The following UNC5C variants were observed in gnomAD, a reference collection of about 807,000 sequenced individuals.
The protein encoded by UNC5C is netrin receptor UNC5C.
In UNC5C, 47 loss-of-function variants were observed where a neutral mutation model predicts 99.8. That is an observed-to-expected ratio of 0.47 (90% CI 0.37 to 0.60). The LOEUF (loss-of-function observed/expected upper bound fraction) is 0.60, where lower values mean the gene tolerates loss of function less well. Ranked by LOEUF, UNC5C falls within the 20% of genes least tolerant of loss-of-function variation. The pLI is 0.00. For missense variants in UNC5C, 1,062 were observed against 1,165.9 expected (o/e 0.91, Z 1.30); for synonymous variants, 487 against 452.2 (o/e 1.08, Z -0.98).
intron 7 of UNC5C, among the ~76,000 whole-genome samples, chr4:95,234,617 G>A (rs968678292): frequency 6.6e-6 from 1 of 152,010 alleles, no homozygotes; most frequent in African/African-American, 2.4e-5. Context: ...AGTTATTTCT[G>A]GCACCTTAAG....
chr4:95,338,159 AC>A (rs1743419656), intron 1 of UNC5C, among the ~76,000 whole-genome samples: 1 of 152,040 alleles, frequency 6.6e-6, no homozygotes, highest in African/African-American at 2.4e-5. Context: ...TTCTCCACAT[AC>A]AAAAATGAGC....
At chr4:95,328,842 T>G (rs1743004166) in intron 2 of UNC5C, among the ~76,000 whole-genome samples, 1 of 152,198 alleles carries the variant, frequency 6.6e-6, no homozygotes, top group Non-Finnish European at 1.5e-5. Flanking sequence ...AAGAAAATTT[T>G]AGGCAACTTC....
At chr4:95,514,025 C>T (rs28624249) in intron 1 of UNC5C, among the ~76,000 whole-genome samples, 375 of 152,254 alleles carry the variant, frequency 2.5e-3, no homozygotes, top group Admixed American at 3.5e-3. Flanking sequence ...ATATCAAATT[C>T]GCTAAATTAG....
At chr4:95,529,129 A>G (rs538125990) in intron 1 of UNC5C, among the ~76,000 whole-genome samples, 43 of 151,608 alleles carry the variant, frequency 2.8e-4, no homozygotes, top group African/African-American at 9.9e-4. Context: ...GGCAGGTACC[A>G]TATGTTATGC....
intron 1 of UNC5C, among the ~76,000 whole-genome samples, chr4:95,527,413 G>A (rs1428190348): frequency 6.6e-6 from 1 of 152,048 alleles, no homozygotes; most frequent in Non-Finnish European, 1.5e-5. Context: ...TCTGATCAGT[G>A]TGACCAAACT....
At chr4:95,179,809 C>A (rs1220208893) in intron 14 of UNC5C, among the ~76,000 whole-genome samples, 5 of 151,188 alleles carry the variant, frequency 3.3e-5, no homozygotes, top group Non-Finnish European at 7.4e-5. Context: ...TAAAACTGCA[C>A]CTTTTTTCAG....
intron 1 of UNC5C, among the ~76,000 whole-genome samples, chr4:95,546,128 T>A (rs2149497938): frequency 6.6e-6 from 1 of 152,348 alleles, no homozygotes; most frequent in East Asian, 1.9e-4. Flanking sequence ...ATCCACATTG[T>A]AAAGTGCTTA....
chr4:95,546,211 T>A (rs1273944657), intron 1 of UNC5C, among the ~76,000 whole-genome samples: 1 of 152,186 alleles, frequency 6.6e-6, no homozygotes, highest in Non-Finnish European at 1.5e-5. Flanking sequence ...CTTTAAGTCA[T>A]CACCACAAGG....
intron 1 of UNC5C, among the ~76,000 whole-genome samples, chr4:95,389,129 A>C (rs1745287708): frequency 6.6e-6 from 1 of 152,200 alleles, no homozygotes; most frequent in African/African-American, 2.4e-5. Flanking sequence ...AGAGCAATCA[A>C]GTGAAACAAA....
In UNC5C at chr4:95,219,249, G is replaced by T. The variant is rs376946923; in HGVS notation, c.1365C>A (p.Ala455=). Reference sequence around the variant, plus strand: ...GGATTTTGTCTGAGACGTCATGCAGGGCATAGACAGGTCCTCTGTACATGG... The same window carrying T: ...GGATTTTGTCTGAGACGTCATGCAGTGCATAGACAGGTCCTCTGTACATGG... ...AAAMYRGPVY[A]LHDVSDKIPM... is the part of the protein sequence containing the mutation. Residue 455 remains alanine, a synonymous_variant, in exon 9 of 16, where the codon GCC becomes GCA. Coordinates refer to ENST00000453304, the MANE Select transcript of UNC5C (RefSeq NM_003728.4). 1.2e-6 allele frequency: 2 copies of T among 1,614,002 alleles called. No individual in the cohort carries two copies. The highest frequency in any genetic ancestry group is 1.3e-5 in the African/African-American group (1 of 74,898).
intron 1 of UNC5C, among the ~76,000 whole-genome samples, chr4:95,523,334 T>G (rs887089414): frequency 6.6e-6 from 1 of 152,138 alleles, no homozygotes; most frequent in African/African-American, 2.4e-5. Flanking sequence ...AGCTGGGGGA[T>G]GTGTGCACTG....
intron 7 of UNC5C, among the ~76,000 whole-genome samples, chr4:95,235,182 T>G (rs1314906340): frequency 6.6e-6 from 1 of 152,198 alleles, no homozygotes; most frequent in Non-Finnish European, 1.5e-5. Flanking sequence ...TCAGTGACAT[T>G]GCTAGTTCTT....
In UNC5C at chr4:95,394,651, C is replaced by CTGTGTGTGTGTGTGTGTGTGTGTGTGTG. The variant is rs10527279; in HGVS notation, c.125-59021_125-59020insCACACACACACACACACACACACACACA. Among the ~76,000 whole-genome samples, 487 of 147,724 alleles carry CTGTGTGTGTGTGTGTGTGTGTGTGTGTG rather than the reference C, an allele frequency of 3.3e-3. 8 individuals carry two copies. The highest frequency in any genetic ancestry group is 0.011 in the African/African-American group (444 of 39,594). ...GGCATCTGCTATGAAAAGGTATTTG[C>CTGTGTGTGTGTGTGTGTGTGTGTGTGTG]TGTGTGTGTGTGTGTGTGTGTGTGC... On this transcript the variant is annotated intron_variant, in intron 1 of 15. Transcript: ENST00000453304.
intron 10 of UNC5C, among the ~76,000 whole-genome samples, chr4:95,209,355 T>G (rs1737997246): frequency 6.6e-6 from 1 of 152,210 alleles, no homozygotes; most frequent in South Asian, 2.1e-4. Flanking sequence ...GCTTCCACAG[T>G]TGACTATTAA....
chr4:95,385,699 G>T (rs1284211316), intron 1 of UNC5C, among the ~76,000 whole-genome samples: 1 of 152,144 alleles, frequency 6.6e-6, no homozygotes, highest in Non-Finnish European at 1.5e-5. Flanking sequence ...TGAAGGTCCA[G>T]TCCCATCATG....
intron 1 of UNC5C, among the ~76,000 whole-genome samples, chr4:95,467,064 C>A (rs1255857225): frequency 6.6e-6 from 1 of 152,136 alleles, no homozygotes; most frequent in African/African-American, 2.4e-5. Flanking sequence ...CTCCTGCCAA[C>A]AGCCACAGGA....
At chr4:95,264,417 T>C (rs754170744) in intron 4 of UNC5C, among the ~76,000 whole-genome samples, 6 of 152,152 alleles carry the variant, frequency 3.9e-5, no homozygotes, top group Non-Finnish European at 8.8e-5. Flanking sequence ...ACTCAATATT[T>C]TTGTAATTTT....
intron 1 of UNC5C, among the ~76,000 whole-genome samples, chr4:95,482,674 C>T (rs1474834846): frequency 7.5e-6 from 1 of 133,792 alleles, no homozygotes; most frequent in Non-Finnish European, 1.6e-5. Context: ...GAATACTATG[C>T]AGCCATAAAA....
At chr4:95,476,703 T>G (rs2149476279) in intron 1 of UNC5C, among the ~76,000 whole-genome samples, 1 of 152,174 alleles carries the variant, frequency 6.6e-6, no homozygotes, top group East Asian at 1.9e-4. Flanking sequence ...ATAATAAAAT[T>G]TATAGTTGTT....
Sources: gnomAD v4.1 joint callset for allele counts (sites outside exome capture counted in the v4.1 genomes callset) on GRCh38, gnomAD v4.1.1 for gene constraint, MANE v1.5 for transcripts, NCBI Gene and HGNC (gene_info 2026-07-23, HGNC 2026-07-21) for gene names.